Variants in ATP10B observed in about 807,000 individuals in gnomAD.
ATP10B encodes ATPase phospholipid transporting 10B (putative), also known as phospholipid-transporting ATPase VB.
In ATP10B, 122 loss-of-function variants were observed where a neutral mutation model predicts 141.2. That is an observed-to-expected ratio of 0.86 (90% CI 0.75 to 1.00). The LOEUF is 1.00. Among genes scored for constraint, ATP10B ranks in the 50% least tolerant of loss-of-function variants. The pLI, the probability that ATP10B is intolerant of heterozygous loss-of-function variation, is 0.00. For synonymous variants in ATP10B, 685 were observed against 692.0 expected (o/e 0.99, Z 0.16); for missense variants, 1,876 against 1,825.3 (o/e 1.03, Z -0.51).
intron 22 of ATP10B, among the ~76,000 whole-genome samples, chr5:160,596,014 A>G (rs1287296753): frequency 6.6e-6 from 1 of 152,058 alleles, no homozygotes; most frequent in Non-Finnish European, 1.5e-5. Flanking sequence ...TCAATAGAAA[A>G]AGAGGGAATC....
intron 23 of ATP10B, 24 bp from the exon 24 acceptor site, chr5:160,589,720 A>C: frequency 6.5e-7 from 1 of 1,545,588 alleles, no homozygotes; most frequent in Non-Finnish European, 8.9e-7. Flanking sequence ...ACAGACAGGC[A>C]TTGTCAGGTA....
chr5:160,867,951 A>G, the ATP10B span, among the ~76,000 whole-genome samples: 5 of 152,182 alleles, frequency 3.3e-5, no homozygotes, highest in Non-Finnish European at 7.4e-5. Flanking sequence ...CTGAACATGT[A>G]TCGTTATTCA....
At chr5:160,735,526 T>C (rs1322443223) in intron 2 of ATP10B, among the ~76,000 whole-genome samples, 2 of 152,080 alleles carry the variant, frequency 1.3e-5, no homozygotes, top group East Asian at 1.9e-4. Flanking sequence ...AAGAGAGAGA[T>C]AGACCCCAAT....
At chr5:160,656,449 G>C (rs1761497879) in intron 7 of ATP10B, among the ~76,000 whole-genome samples, 1 of 152,140 alleles carries the variant, frequency 6.6e-6, no homozygotes, top group Non-Finnish European at 1.5e-5. Flanking sequence ...GTTCCTGATT[G>C]GTAGATTAAG....
At chr5:160,871,935 G>A in the ATP10B span, among the ~76,000 whole-genome samples, 10 of 152,200 alleles carry the variant, frequency 6.6e-5, no homozygotes, top group Non-Finnish European at 1.2e-4. Flanking sequence ...TGGGTCAAAT[G>A]GTAGTTCTAC....
At chr5:160,828,685 G>A (rs1213432461) in intron 1 of ATP10B, among the ~76,000 whole-genome samples, 1 of 151,906 alleles carries the variant, frequency 6.6e-6, no homozygotes, top group East Asian at 1.9e-4. Flanking sequence ...AATACCATTT[G>A]ATCCAGCCAT....
At chr5:160,726,102 C>A (rs529016711) in intron 2 of ATP10B, among the ~76,000 whole-genome samples, 2 of 152,104 alleles carry the variant, frequency 1.3e-5, no homozygotes, top group East Asian at 1.9e-4. Flanking sequence ...CTGAGAGACG[C>A]GCGAGCCTAA....
chr5:160,882,459 T>C, the ATP10B span, among the ~76,000 whole-genome samples: 1 of 152,108 alleles, frequency 6.6e-6, no homozygotes, highest in Non-Finnish European at 1.5e-5. Flanking sequence ...ATTTTATTTT[T>C]TTTGTAGAGA....
chr5:160,822,145 G>C (rs187574690), intron 1 of ATP10B, among the ~76,000 whole-genome samples: 1 of 151,978 alleles, frequency 6.6e-6, no homozygotes, highest in East Asian at 1.9e-4. Flanking sequence ...AATATATAAG[G>C]AGCTCAAACA....
chr5:160,759,378 C>G (rs537057395), intron 2 of ATP10B, among the ~76,000 whole-genome samples: 1 of 152,322 alleles, frequency 6.6e-6, no homozygotes, highest in African/African-American at 2.4e-5. Context: ...GAAGGAAACA[C>G]AGGTAAACAC....
chr5:160,781,162 C>A (rs1165054252), intron 2 of ATP10B, among the ~76,000 whole-genome samples: 1 of 152,066 alleles, frequency 6.6e-6, no homozygotes, highest in East Asian at 1.9e-4. Flanking sequence ...AGGAATTGTC[C>A]TTTAGGTCCA....
At chr5:160,897,077 G>A in the ATP10B span, among the ~76,000 whole-genome samples, 1 of 152,144 alleles carries the variant, frequency 6.6e-6, no homozygotes, top group Admixed American at 6.5e-5. Flanking sequence ...CAAACCCACA[G>A]CCAATATTAT....
chr5:160,639,883 C>T (rs1759703001), intron 10 of ATP10B, among the ~76,000 whole-genome samples: 1 of 152,186 alleles, frequency 6.6e-6, no homozygotes, highest in Non-Finnish European at 1.5e-5. Flanking sequence ...ACTATATGGT[C>T]CCATGTAGGG....
rs1448882634 is a variant in ATP10B, at chr5:160,598,989, G to C, written c.3364-19C>G. 1 of 1,612,266 alleles carries C rather than the reference G, an allele frequency of 6.2e-7. No individual in the cohort carries two copies. Among genetic ancestry groups the C allele is most frequent in the African/African-American group, 1.3e-5 (1 of 74,924 alleles). On this transcript the variant is annotated intron_variant, in intron 21 of 25. Coordinates refer to ENST00000327245, the MANE Select transcript of ATP10B (RefSeq NM_025153.3). ...CGTAGCACTGCAGGCAGAGAGCATG[G>C]CCTTGTGAGTGGGGCTCCATGTGCA...
the ATP10B span, among the ~76,000 whole-genome samples, chr5:160,897,384 C>T: frequency 6.6e-6 from 1 of 152,122 alleles, no homozygotes; most frequent in Non-Finnish European, 1.5e-5. Flanking sequence ...CACAAGCATT[C>T]CTATACACCA....
chr5:160,706,511 C>T lies in ATP10B; in HGVS notation c.-205+10398G>A, dbSNP rs373731143. Among the ~76,000 whole-genome samples the T allele has an allele frequency of 9.9e-5, 15 of 152,268 alleles. 1 individual carries two copies. Among genetic ancestry groups the T allele is most frequent in the African/African-American group, 3.4e-4 (14 of 41,544 alleles). On this transcript the variant is annotated intron_variant, in intron 3 of 25. Transcript: ENST00000327245. ...AAAATGAGGTCCCCACTGTGCATCC[C>T]AGACACCTTGGCTCTTGATTTTTCT...
chr5:160,884,438 A>G, the ATP10B span, among the ~76,000 whole-genome samples: 1 of 152,204 alleles, frequency 6.6e-6, no homozygotes, highest in Non-Finnish European at 1.5e-5. Flanking sequence ...ATTAAAAATA[A>G]TATCATATTT....
chr5:160,824,488 T>G (rs899889389), intron 1 of ATP10B, among the ~76,000 whole-genome samples: 5 of 152,166 alleles, frequency 3.3e-5, no homozygotes, highest in Non-Finnish European at 7.4e-5. Flanking sequence ...ATTTGTTGCT[T>G]AACAATGGGC....
At chr5:160,807,318 T>G (rs1352691925) in intron 1 of ATP10B, among the ~76,000 whole-genome samples, 1 of 152,126 alleles carries the variant, frequency 6.6e-6, no homozygotes, top group Admixed American at 6.5e-5. Flanking sequence ...TGTAAACCAT[T>G]TTTTTTGGCT....
Sources: allele counts gnomAD v4.1 joint callset (sites outside exome capture counted in the v4.1 genomes callset), GRCh38; gene constraint gnomAD v4.1.1; transcripts MANE v1.5; gene names NCBI Gene and HGNC (gene_info 2026-07-23, HGNC 2026-07-21).